Variants in SLC20A2 observed in about 807,000 individuals in gnomAD.
The protein encoded by SLC20A2 is sodium-dependent phosphate transporter 2.
SLC20A2 carries 30 observed loss-of-function variants against 61.0 expected under a neutral mutation model. The ratio of observed to expected loss-of-function variants is 0.49; its 90% CI spans 0.37 to 0.67. The LOEUF is 0.67. SLC20A2 is among the 30% of genes least tolerant of loss of function. The pLI, the probability that SLC20A2 is intolerant of heterozygous loss-of-function variation, is 0.00. For missense variants in SLC20A2, 626 were observed against 866.4 expected (o/e 0.72, Z 3.48); for synonymous variants, 351 against 353.3 (o/e 0.99, Z 0.07).
chr8:42,447,528 A>G (rs1278109730), intron 5 of SLC20A2, among the ~76,000 whole-genome samples: 2 of 151,056 alleles, frequency 1.3e-5, no homozygotes, highest in Non-Finnish European at 2.9e-5. Flanking sequence ...ATACAAAAAA[A>G]TTAGCCAGGC....
At chr8:42,432,981 C>T (rs1803980686) in intron 8 of SLC20A2, among the ~76,000 whole-genome samples, 1 of 152,164 alleles carries the variant, frequency 6.6e-6, no homozygotes. Context: ...CCAGGTGTTC[C>T]TGTACATGGT....
chr8:42,502,095 A>G (rs1251618509), upstream of SLC20A2, among the ~76,000 whole-genome samples: 1 of 152,108 alleles, frequency 6.6e-6, no homozygotes, highest in African/African-American at 2.4e-5. Flanking sequence ...TCTATGAAAG[A>G]TATCAAAGCA....
chr8:42,504,705 C>T (rs558564976), upstream of SLC20A2, among the ~76,000 whole-genome samples: 97 of 151,220 alleles, frequency 6.4e-4, no homozygotes, highest in Non-Finnish European at 1.1e-3. Flanking sequence ...ATTAGCCAGG[C>T]ATGGTGGCGC....
intron 8 of SLC20A2, among the ~76,000 whole-genome samples, chr8:42,436,504 C>T (rs1586020437): frequency 6.6e-6 from 1 of 152,262 alleles, no homozygotes; most frequent in East Asian, 1.9e-4. Context: ...CCCTGTGTGG[C>T]CCCTGTCAAA....
chr8:42,541,063 T>C (rs186794281), intron 1 of SLC20A2: 14 of 152,330 alleles, frequency 9.2e-5, no homozygotes, highest in African/African-American at 3.4e-4. Flanking sequence ...AGGGACTCTA[T>C]GCTCTCAAGA....
chr8:42,425,764 T>C (rs1215330714), intron 10 of SLC20A2, among the ~76,000 whole-genome samples: 2 of 152,158 alleles, frequency 1.3e-5, no homozygotes, highest in East Asian at 1.9e-4. Flanking sequence ...CAAAACTGGC[T>C]GGGCACGGTG....
chr8:42,468,173 A>T (rs766632983), intron 2 of SLC20A2, among the ~76,000 whole-genome samples: 2 of 152,152 alleles, frequency 1.3e-5, no homozygotes, highest in Non-Finnish European at 2.9e-5. Context: ...AAGTGCTCGG[A>T]TTACAGGTGT....
At chr8:42,471,469 G>T (rs947787898) in intron 2 of SLC20A2, among the ~76,000 whole-genome samples, 10 of 152,096 alleles carry the variant, frequency 6.6e-5, no homozygotes, top group African/African-American at 2.2e-4. Context: ...TTTTTGGCCG[G>T]AAAACAAAAC....
intron 8 of SLC20A2, among the ~76,000 whole-genome samples, chr8:42,434,119 A>ATGGTC (rs1804063325): frequency 6.6e-6 from 1 of 152,008 alleles, no homozygotes. Context: ...GTGCAGTGGC[A>ATGGTC]CAATCTCACC....
chr8:42,488,198 T>G (rs1202105380), intron 1 of SLC20A2, among the ~76,000 whole-genome samples: 1 of 148,570 alleles, frequency 6.7e-6, no homozygotes. Context: ...TTTTTTTTTT[T>G]TTTTTGAGAC....
chr8:42,447,898 C>T (rs997733110), intron 5 of SLC20A2, among the ~76,000 whole-genome samples: 2 of 152,200 alleles, frequency 1.3e-5, no homozygotes, highest in African/African-American at 4.8e-5. Flanking sequence ...CTCTGCCACG[C>T]GGCTGTACTG....
At position 42,465,782 on chromosome 8, in the gene SLC20A2, T is replaced by C. The variant is rs1807109968; in HGVS notation, c.425A>G (p.Lys142Arg). 1 of 1,592,314 alleles carries C rather than the reference T, an allele frequency of 6.3e-7. No individual in the cohort carries two copies. The highest frequency in any genetic ancestry group is 1.2e-5 in the South Asian group (1 of 86,202). Residue 142 changes from lysine to arginine, a missense_variant, in exon 3 of 11, where the codon AAG (lysine) becomes AGG (arginine). By Grantham distance (26) the Lys-to-Arg change is conservative (BLOSUM62 2). Around this residue, in one of 3 missense-constraint regions of SLC20A2, gnomAD observed 127 missense variants for 215.4 expected, o/e 0.59. Coordinates refer to ENST00000520262, the MANE Select transcript of SLC20A2 (RefSeq NM_001257180.2). Reference protein sequence around the residue: ...TKGVQWMELVKIVASWFISPL... With the variant: ...TKGVQWMELVRIVASWFISPL... ...TAAAAGAAAATGCCAATTACCAATC[T>C]TGACAAGCTCCATCCACTGCACACC...
rs537743375 is a variant in SLC20A2 at position 42,532,768 on chromosome 8, C to T, written c.-265+9053G>A. ...AGATAAGACACACGGGAGACCAAGG[C>T]GGTGGAGAAGAACAAAGCAGGACTG... On this transcript the variant is annotated intron_variant, in intron 1 of 10. Coordinates refer to the SLC20A2 transcript ENST00000342228. Among the ~76,000 whole-genome samples, 96 of 152,150 alleles carry T rather than the reference C, an allele frequency of 6.3e-4. 1 individual carries two copies. Among genetic ancestry groups the T allele is most frequent in the African/African-American group, 2.1e-3 (88 of 41,512 alleles).
At chr8:42,459,264 A>C (rs1806512825) in intron 5 of SLC20A2, among the ~76,000 whole-genome samples, 1 of 151,786 alleles carries the variant, frequency 6.6e-6, no homozygotes, top group African/African-American at 2.4e-5. Flanking sequence ...AAAAAACATA[A>C]AAAATAACAA....
chr8:42,463,221 A>G, intron 3 of SLC20A2, 131 bp from the exon 4 acceptor site: 1 of 584,962 alleles, frequency 1.7e-6, no homozygotes. Flanking sequence ...TTTACCTTTA[A>G]TTCAGAACCT....
chr8:42,447,730 G>C (rs1270718586), intron 5 of SLC20A2, among the ~76,000 whole-genome samples: 4 of 152,098 alleles, frequency 2.6e-5, no homozygotes, highest in African/African-American at 9.7e-5. Flanking sequence ...GAATAGAATA[G>C]GTAGTTAATA....
At chr8:42,475,453 A>G (rs1028229885) in intron 1 of SLC20A2, among the ~76,000 whole-genome samples, 1 of 151,898 alleles carries the variant, frequency 6.6e-6, no homozygotes, top group African/African-American at 2.4e-5. Flanking sequence ...TCTGTCACCC[A>G]GGCTGGAGTG....
intron 8 of SLC20A2, among the ~76,000 whole-genome samples, chr8:42,435,927 G>A (rs2130996056): frequency 6.6e-6 from 1 of 152,142 alleles, no homozygotes; most frequent in Non-Finnish European, 1.5e-5. Context: ...GACCAGCCTG[G>A]CCAACATGGG....
At position 42,429,937 on chromosome 8, in the gene SLC20A2, G is replaced by A. The variant is rs1586001337; in HGVS notation, c.1709+127C>T. On this transcript the variant is annotated intron_variant, in intron 9 of 10. Transcript: ENST00000520262. Reference sequence around the variant, plus strand: ...CTAGGTGGGGCCATTCTTGCCCACTGTCTCCTCCTCCCTGTGACCCGCTGC... The same window carrying A: ...CTAGGTGGGGCCATTCTTGCCCACTATCTCCTCCTCCCTGTGACCCGCTGC... 6.9e-6 allele frequency: 5 copies of A among 724,376 alleles called. No homozygotes were observed. The East Asian group carries it at 1.5e-4, about 21-fold the overall frequency. 44.9% of individuals were successfully genotyped at this position (724,376 alleles called of 1,614,324 possible). A position where few individuals can be genotyped will look rare whatever the true frequency, so the allele number is the denominator to read the frequency against.
Sources: gnomAD v4.1 joint callset for allele counts (sites outside exome capture counted in the v4.1 genomes callset) on GRCh38, gnomAD v4.1.1 for gene constraint, gnomAD v4.1.1 regional missense constraint, MANE v1.5 for transcripts, NCBI Gene and HGNC (gene_info 2026-07-23, HGNC 2026-07-21) for gene names.